Variants in ADK observed in about 807,000 individuals in gnomAD.
ADK encodes the protein adenosine kinase.
In ADK, 24 loss-of-function variants were observed where a neutral mutation model predicts 44.7. The ratio of observed to expected loss-of-function variants is 0.54; its 90% CI spans 0.39 to 0.76. The LOEUF (loss-of-function observed/expected upper bound fraction) is 0.76. Among genes scored for constraint, ADK ranks in the 30% least tolerant of loss-of-function variants. ADK has a pLI of 0.00. For missense variants in ADK, 321 were observed against 425.1 expected, an observed-to-expected ratio of 0.76 and a Z score of 2.15; for synonymous variants, 128 against 142.6, an observed-to-expected ratio of 0.90 and a Z score of 0.73.
At chr10:74,422,475 C>T (rs920029684) in intron 6 of ADK, among the ~76,000 whole-genome samples, 2 of 152,142 alleles carry the variant, frequency 1.3e-5, no homozygotes, top group African/African-American at 4.8e-5. Flanking sequence ...TGACTTTAGT[C>T]AATAATCCAC....
chr10:74,426,393 T>C (rs1324297593), intron 6 of ADK, among the ~76,000 whole-genome samples: 1 of 152,234 alleles, frequency 6.6e-6, no homozygotes, highest in Non-Finnish European at 1.5e-5. Context: ...TTGAATATAC[T>C]CTGGAACATA....
intron 3 of ADK, among the ~76,000 whole-genome samples, chr10:74,295,462 CA>C (rs34464248): frequency 0.66 from 96,025 of 146,540 alleles, 32,239 homozygotes; most frequent in Middle Eastern, 0.8. Context: ...GACTCTGTCT[CA>C]AAAAAAAAAA....
intron 3 of ADK, among the ~76,000 whole-genome samples, chr10:74,300,292 TTCC>T (rs1839972994): frequency 2.4e-5 from 2 of 82,192 alleles, no homozygotes; most frequent in African/African-American, 5.2e-5. Context: ...CCTTCCTTCC[TTCC>T]TTCCTTCCTT....
At chr10:74,519,110 AC>A (rs2133580274) in intron 6 of ADK, among the ~76,000 whole-genome samples, 1 of 152,098 alleles carries the variant, frequency 6.6e-6, no homozygotes, top group South Asian at 2.1e-4. Flanking sequence ...TATTGTTTCA[AC>A]ATGTAAAAAT....
chr10:74,589,873 T>A (rs1851656969), intron 8 of ADK, among the ~76,000 whole-genome samples: 1 of 152,216 alleles, frequency 6.6e-6, no homozygotes, highest in South Asian at 2.1e-4. Context: ...TCTCCCTCTT[T>A]TTTTCTGGGG....
chr10:74,479,509 G>A (rs932402766), intron 6 of ADK, among the ~76,000 whole-genome samples: 1 of 150,388 alleles, frequency 6.6e-6, no homozygotes, highest in Non-Finnish European at 1.5e-5. Flanking sequence ...TGCTTCCTGA[G>A]GCAATCTGAA....
intron 10 of ADK, 114 bp from the exon 11 acceptor site, chr10:74,708,207 C>T: frequency 1.0e-6 from 1 of 977,278 alleles, no homozygotes; most frequent in Non-Finnish European, 1.5e-6. Flanking sequence ...CTTTCTCTTA[C>T]TGTCAAGGCT....
chr10:74,416,302 A>G (rs1004403156), intron 6 of ADK, among the ~76,000 whole-genome samples: 1 of 151,942 alleles, frequency 6.6e-6, no homozygotes, highest in Non-Finnish European at 1.5e-5. Context: ...TTTCTCATCT[A>G]TATAATAGGG....
intron 7 of ADK, among the ~76,000 whole-genome samples, chr10:74,571,994 C>T (rs1293860861): frequency 6.6e-6 from 1 of 152,042 alleles, no homozygotes; most frequent in Non-Finnish European, 1.5e-5. Context: ...GAGCATTTAG[C>T]CCATTTACAT....
intron 10 of ADK, among the ~76,000 whole-genome samples, chr10:74,700,399 C>T (rs1289244766): frequency 6.6e-6 from 1 of 152,136 alleles, no homozygotes; most frequent in Non-Finnish European, 1.5e-5. Flanking sequence ...CCCGCCACCA[C>T]ACCCGGCTAA....
At chr10:74,630,889 G>T (rs1028989759) in intron 9 of ADK, among the ~76,000 whole-genome samples, 3 of 149,298 alleles carry the variant, frequency 2.0e-5, no homozygotes, top group Non-Finnish European at 4.4e-5. Flanking sequence ...ATAGAGAAGA[G>T]CTTTCCCCTT....
intron 9 of ADK, among the ~76,000 whole-genome samples, chr10:74,639,742 A>G (rs1285015812): frequency 6.6e-6 from 1 of 152,146 alleles, no homozygotes; most frequent in Non-Finnish European, 1.5e-5. Context: ...AGACTGAGGC[A>G]GGAGAATCGC....
At chr10:74,208,251 G>T (rs1053575137) in intron 2 of ADK, among the ~76,000 whole-genome samples, 1 of 152,244 alleles carries the variant, frequency 6.6e-6, no homozygotes, top group African/African-American at 2.4e-5. Flanking sequence ...CACTCAGGAG[G>T]GTGGGGCTCC....
At chr10:74,708,153 G>GGA (rs1554901223) in intron 10 of ADK, among the ~76,000 whole-genome samples, 168 bp from the exon 11 acceptor site, 6 of 132,722 alleles carry the variant, frequency 4.5e-5, no homozygotes, top group South Asian at 2.5e-4. Flanking sequence ...CCATCTCGGG[G>GGA]AAAAAAAAAA....
At position 74,485,737 on chromosome 10, in the gene ADK, G is replaced by A. The variant is rs79662277; in HGVS notation, c.556-39519G>A. On this transcript the variant is annotated intron_variant, in intron 6 of 10. Transcript: ENST00000539909. Reference sequence around the variant, plus strand: ...ACTTAGTCTAATAAACTATGAACAAGGCCTCTACCAAGAACACTTAAAACA... The same window carrying A: ...ACTTAGTCTAATAAACTATGAACAAAGCCTCTACCAAGAACACTTAAAACA... Among the ~76,000 whole-genome samples, 957 of 152,002 alleles carry A rather than the reference G, an allele frequency of 6.3e-3. 7 individuals carry two copies. Among genetic ancestry groups the A allele is most frequent in the African/African-American group, 0.022 (905 of 41,456 alleles).
At chr10:74,252,660 A>G (rs971306768) in intron 3 of ADK, among the ~76,000 whole-genome samples, 1 of 152,204 alleles carries the variant, frequency 6.6e-6, no homozygotes, top group Non-Finnish European at 1.5e-5. Context: ...TCTGTAGGTA[A>G]AAGGAATAGA....
Position 74,371,432 on chromosome 10 carries a change from A to G in ADK, c.274-22709A>G, listed in dbSNP as rs566977482. 9.7e-6 allele frequency: 6 copies of G among 616,226 alleles called. No homozygotes were observed. In the East Asian group the frequency reaches 1.6e-4, roughly 17 times the overall value. 38.2% of individuals were successfully genotyped at this position (616,226 alleles called of 1,614,324 possible). On this transcript the variant is annotated intron_variant, in intron 4 of 10. Coordinates refer to ENST00000539909, the MANE Select transcript of ADK (RefSeq NM_006721.4). ...ACAAAAATCTTAAGCAGTCCCCTACAGATCTATTAGAAGTAATAAATGGCT... is the reference window on the plus strand; with the variant it reads ...ACAAAAATCTTAAGCAGTCCCCTACGGATCTATTAGAAGTAATAAATGGCT...
intron 6 of ADK, among the ~76,000 whole-genome samples, chr10:74,448,457 G>GTA (rs911615908): frequency 2.0e-5 from 3 of 151,900 alleles, no homozygotes; most frequent in Non-Finnish European, 2.9e-5. Flanking sequence ...GTATATATGT[G>GTA]TATATATATA....
chr10:74,394,433 C>T, intron 5 of ADK, 120 bp downstream of exon 5: 2 of 934,304 alleles, frequency 2.1e-6, no homozygotes, highest in Non-Finnish European at 1.7e-6. Flanking sequence ...TTGATAAATG[C>T]TTATTCCTTA....
Sources: gnomAD v4.1 joint callset for allele counts (sites outside exome capture counted in the v4.1 genomes callset) on GRCh38, gnomAD v4.1.1 for gene constraint, MANE v1.5 for transcripts, NCBI Gene and HGNC (gene_info 2026-07-23, HGNC 2026-07-21) for gene names.